PAG1: variants seen among roughly 807,000 people sequenced by gnomAD.
PAG1 encodes the protein phosphoprotein membrane anchor with glycosphingolipid microdomains 1.
PAG1 carries 23 observed loss-of-function variants against 31.7 expected under a neutral mutation model. That is an observed-to-expected ratio of 0.73 (90% CI 0.52 to 1.03). The LOEUF (loss-of-function observed/expected upper bound fraction) is 1.03. PAG1 is among the 50% of genes least tolerant of loss of function. The pLI is 0.00. For missense variants in PAG1, 473 were observed against 540.7 expected, an observed-to-expected ratio of 0.87 and a Z score of 1.24; for synonymous variants, 214 against 210.3, an observed-to-expected ratio of 1.02 and a Z score of -0.15.
intron 1 of PAG1, among the ~76,000 whole-genome samples, chr8:81,077,128 C>T (rs1056021989): frequency 2.0e-5 from 3 of 152,174 alleles, no homozygotes; most frequent in Non-Finnish European, 4.4e-5. Context: ...AGCATTGGCA[C>T]CCCCCAGGAG....
chr8:81,044,286 A>T (rs1808605000), intron 2 of PAG1, among the ~76,000 whole-genome samples: 1 of 152,228 alleles, frequency 6.6e-6, no homozygotes, highest in Non-Finnish European at 1.5e-5. Context: ...AAATGAGGTC[A>T]TTAGGGTAAG....
chr8:81,044,037 G>T (rs993282264), intron 2 of PAG1, among the ~76,000 whole-genome samples: 1 of 152,142 alleles, frequency 6.6e-6, no homozygotes, highest in Non-Finnish European at 1.5e-5. Flanking sequence ...TTCTTGAACG[G>T]TCAAGGCCAA....
chr8:81,063,540 T>G (rs1808952797), intron 2 of PAG1, among the ~76,000 whole-genome samples: 1 of 152,066 alleles, frequency 6.6e-6, no homozygotes, highest in East Asian at 1.9e-4. Context: ...TTTTTAAAGT[T>G]TTTTTTTAAG....
At chr8:81,046,001 A>G (rs1312823603) in intron 2 of PAG1, among the ~76,000 whole-genome samples, 5 of 152,184 alleles carry the variant, frequency 3.3e-5, no homozygotes, top group Non-Finnish European at 7.3e-5. Flanking sequence ...TTTGTCTTAC[A>G]TTATCCTGAT....
intron 2 of PAG1, chr8:81,039,489 A>G (rs1808517864): frequency 6.6e-6 from 1 of 152,236 alleles, no homozygotes; most frequent in African/African-American, 2.4e-5. Flanking sequence ...GCCTAGAGCC[A>G]TCAGAGGGAA....
rs142478748 is a variant in PAG1, at chr8:80,980,620, A to C, written c.877-126T>G. On this transcript the variant is annotated intron_variant, in intron 7 of 8. Transcript: ENST00000220597. Reference sequence around the variant, plus strand: ...ATGATTTTTATGGAACCACGAAGAAATTATGGGAAGAGAAACACTTATGCA... The same window carrying C: ...ATGATTTTTATGGAACCACGAAGAACTTATGGGAAGAGAAACACTTATGCA... The C allele has an allele frequency of 8.8e-4, 569 of 647,208 alleles. 15 individuals carry two copies. In the East Asian group the frequency reaches 0.015, roughly 17 times the overall value. The allele number at this position is 647,208 out of a possible 1,614,324, so 40.1% of individuals were successfully genotyped here. A position where few individuals can be genotyped will look rare whatever the true frequency, so the allele number is the denominator to read the frequency against.
At chr8:80,978,821 C>A (rs1158435324) in intron 8 of PAG1, among the ~76,000 whole-genome samples, 1 of 152,158 alleles carries the variant, frequency 6.6e-6, no homozygotes, top group East Asian at 1.9e-4. Context: ...ATTTTGTATA[C>A]AGGTTTCTCT....
chr8:81,019,465 T>C (rs2130724346), intron 3 of PAG1, among the ~76,000 whole-genome samples: 1 of 152,348 alleles, frequency 6.6e-6, no homozygotes, highest in East Asian at 1.9e-4. Flanking sequence ...CCCCGGGACA[T>C]GGCGCCCTGC....
At chr8:81,060,013 C>T (rs937733450) in intron 2 of PAG1, among the ~76,000 whole-genome samples, 2 of 150,760 alleles carry the variant, frequency 1.3e-5, no homozygotes, top group African/African-American at 4.9e-5. Context: ...AGTGAGACTC[C>T]ATCTAAAAAA....
intron 2 of PAG1, chr8:81,039,477 T>C (rs1257947316): frequency 6.6e-6 from 1 of 152,228 alleles, no homozygotes; most frequent in Non-Finnish European, 1.5e-5. Context: ...GAACAGATCC[T>C]TGCCTAGAGC....
chr8:81,105,365 A>G (rs1161126854), intron 1 of PAG1, among the ~76,000 whole-genome samples: 2 of 152,168 alleles, frequency 1.3e-5, no homozygotes, highest in Non-Finnish European at 2.9e-5. Flanking sequence ...CACCCTTGTG[A>G]TATTTAGTGA....
chr8:81,061,048 G>A (rs1453158569), intron 2 of PAG1, among the ~76,000 whole-genome samples: 2 of 152,130 alleles, frequency 1.3e-5, no homozygotes, highest in African/African-American at 4.8e-5. Context: ...AGAAAAGACT[G>A]GATTTATTAT....
intron 1 of PAG1, among the ~76,000 whole-genome samples, chr8:81,103,151 T>TG (rs201159150): frequency 9.7e-6 from 1 of 103,056 alleles, no homozygotes; most frequent in Non-Finnish European, 2.0e-5. Flanking sequence ...GTTCATTTTG[T>TG]GGGAAAAAAA....
chr8:81,019,612 T>C (rs1212911132), intron 3 of PAG1, among the ~76,000 whole-genome samples: 1 of 152,194 alleles, frequency 6.6e-6, no homozygotes, highest in Non-Finnish European at 1.5e-5. Context: ...AAGTCAAGAA[T>C]TGAAGTTTGG....
chr8:81,062,158 C>T (rs1231756023), intron 2 of PAG1, among the ~76,000 whole-genome samples: 1 of 152,222 alleles, frequency 6.6e-6, no homozygotes, highest in African/African-American at 2.4e-5. Context: ...CAATAGTCAC[C>T]AGTCGACATC....
chr8:81,023,473 T>C (rs1019726581), intron 3 of PAG1, among the ~76,000 whole-genome samples: 6 of 152,120 alleles, frequency 3.9e-5, no homozygotes, highest in Admixed American at 1.3e-4. Context: ...TTGTGTTTAA[T>C]TATAAAATAA....
At chr8:81,061,771 G>C (rs1455221360) in intron 2 of PAG1, among the ~76,000 whole-genome samples, 1 of 152,170 alleles carries the variant, frequency 6.6e-6, no homozygotes, top group Non-Finnish European at 1.5e-5. Flanking sequence ...AAAAAGGAAA[G>C]GTGAGAGTGT....
At chr8:81,050,260 A>C (rs1026090262) in intron 2 of PAG1, among the ~76,000 whole-genome samples, 2 of 152,228 alleles carry the variant, frequency 1.3e-5, no homozygotes, top group Non-Finnish European at 2.9e-5. Context: ...GCAATGAAGC[A>C]TTTAATCCTC....
Position 80,976,921 on chromosome 8 carries a change from GAGAGTTGAAT to G in PAG1, c.937-25_937-16del. 1.3e-6 allele frequency: 2 copies of G among 1,580,490 alleles called. No homozygotes were observed. Among genetic ancestry groups the G allele is most frequent in the Non-Finnish European group, 1.7e-6 (2 of 1,165,164 alleles). Reference sequence around the variant, plus strand: ...ATAGCTGAGATCTAGGAGACAAAGGGAGAGTTGAATAAACTTCCAGCTGTGACTTCCCCCT... The same window carrying G: ...ATAGCTGAGATCTAGGAGACAAAGGGAAACTTCCAGCTGTGACTTCCCCCT... On this transcript the variant is annotated splice_polypyrimidine_tract_variant and intron_variant, in intron 8 of 8. Coordinates refer to ENST00000220597, the MANE Select transcript of PAG1 (RefSeq NM_018440.4).
Sources: gnomAD v4.1 joint callset for allele counts (sites outside exome capture counted in the v4.1 genomes callset) on GRCh38, gnomAD v4.1.1 for gene constraint, MANE v1.5 for transcripts, NCBI Gene and HGNC (gene_info 2026-07-23, HGNC 2026-07-21) for gene names.